GCM2: variants seen among roughly 807,000 people sequenced by gnomAD.
GCM2 encodes the protein GCM transcription factor 2.
Under a neutral mutation model 24.8 loss-of-function variants are expected in GCM2, and 21 were observed. That is an observed-to-expected ratio of 0.85 (90% CI 0.60 to 1.22). The LOEUF is 1.22. Among genes scored for constraint, GCM2 ranks in the 50% most tolerant of loss-of-function variants. The pLI is 0.00. For missense variants in GCM2, 532 were observed against 645.6 expected (o/e 0.82, Z 1.91); for synonymous variants, 222 against 238.0 (o/e 0.93, Z 0.62).
rs1194705662 is a variant in GCM2 at position 10,876,018 on chromosome 6, T to C, written c.457-2A>G. 2 of 1,613,920 alleles carry C rather than the reference T, an allele frequency of 1.2e-6. No individual in the cohort carries two copies. Among genetic ancestry groups the C allele is most frequent in the African/African-American group, 1.3e-5 (1 of 74,896 alleles). On this transcript the variant is annotated splice_acceptor_variant, in intron 3 of 4. Coordinates refer to ENST00000379491, the MANE Select transcript of GCM2 (RefSeq NM_004752.4). LOFTEE classifies it high-confidence loss of function. ...TGGATGATCATGAACTCCCTTGGCCTGCGATAACGAGAAAATGAATCATAC... is the reference window on the plus strand; with the variant it reads ...TGGATGATCATGAACTCCCTTGGCCCGCGATAACGAGAAAATGAATCATAC...
At chr6:10,881,425 T>C (rs1242033869) in intron 1 of GCM2, among the ~76,000 whole-genome samples, 1 of 152,172 alleles carries the variant, frequency 6.6e-6, no homozygotes, top group Non-Finnish European at 1.5e-5. Context: ...CCCAAAGTGC[T>C]GGGATTACAG....
intron 1 of GCM2, 72 bp downstream of exon 1, chr6:10,881,632 G>T (rs1452547375): frequency 6.6e-6 from 6 of 915,006 alleles, no homozygotes; most frequent in Admixed American, 3.7e-5. Flanking sequence ...GACTCTTCAA[G>T]AACTCGAATG....
chr6:10,878,035 G>A (rs1779907161), intron 1 of GCM2, among the ~76,000 whole-genome samples: 1 of 152,112 alleles, frequency 6.6e-6, no homozygotes, highest in South Asian at 2.1e-4. Flanking sequence ...TCTCAACTTG[G>A]CTCTCCAAGT....
rs1372506847 is a variant in GCM2 at position 10,876,530 on chromosome 6, G to A, written c.371C>T (p.Ala124Val). The A allele has an allele frequency of 6.2e-7, 1 of 1,613,392 alleles. No individual in the cohort carries two copies. The highest frequency in any genetic ancestry group is 8.5e-7 in the Non-Finnish European group (1 of 1,179,440). The part of the protein sequence containing the change: ...QKKACPNCHS[A>V]LELIPCRGHS... ...CCCTCGACAAGGAATCAACTCCAAA[G>A]CAGAATGACAGTTAGGGCATGCCTT... Residue 124 changes from alanine to valine, a missense_variant, in exon 3 of 5, where the codon GCT (alanine) becomes GTT (valine). By Grantham distance (64) the Ala-to-Val change is moderately conservative. Around this residue, in one of 3 missense-constraint regions of GCM2, gnomAD observed 434 missense variants for 521.9 expected, o/e 0.83. Coordinates refer to ENST00000379491, the MANE Select transcript of GCM2 (RefSeq NM_004752.4).
At chr6:10,877,498 A>G in intron 1 of GCM2, 106 bp from the exon 2 acceptor site, 2 of 1,214,868 alleles carry the variant, frequency 1.6e-6, no homozygotes, top group Non-Finnish European at 2.4e-6. Context: ...AGTTCTTTTT[A>G]AATCCAGTAA....
chr6:10,876,622 A>G, intron 2 of GCM2, 65 bp from the exon 3 acceptor site: 1 of 1,124,480 alleles, frequency 8.9e-7, no homozygotes, highest in Non-Finnish European at 1.4e-6. Context: ...AAGAAGGGGA[A>G]AATTAGCTGG....
Position 10,876,570 on chromosome 6 carries a change from G to A in GCM2, c.344-13C>T. On this transcript the variant is annotated splice_polypyrimidine_tract_variant and intron_variant, in intron 2 of 4. Coordinates refer to ENST00000379491, the MANE Select transcript of GCM2 (RefSeq NM_004752.4). ...GGGCATGCCTTCTCTGCAAAGCCCA[G>A]AAGGGAGAAATATTAACCCTGACCC... 6.5e-7 allele frequency: 1 copy of A among 1,538,966 alleles called. No individual in the cohort carries two copies. Among genetic ancestry groups the A allele is most frequent in the East Asian group, 2.2e-5 (1 of 44,532 alleles).
At position 10,877,168 on chromosome 6, in the gene GCM2, G is replaced by T; in HGVS notation, c.315C>A (p.Ile105=). 1 of 1,613,386 alleles carries T rather than the reference G, an allele frequency of 6.2e-7. No homozygotes were observed. The change falls in exon 2 of 5, where the codon ATC becomes ATA. Residue 105 remains isoleucine (I), a synonymous_variant. Transcript: ENST00000379491. The stretch of plus-strand genomic sequence containing the variant: ...GCTGTTTCAGCCGTGCCTTGTCGCA[G>T]ATGGCCGGCCTCAGCTGCAGGCGGG... ...DGSRLQLRPA[I]CDKARLKQQK...
chr6:10,874,834 G>A lies in GCM2; in HGVS notation c.682C>T (p.Pro228Ser). Residue 228 changes from proline to serine, a missense_variant, in exon 5 of 5, where the codon CCA (proline) becomes TCA (serine). By Grantham distance (74) the Pro-to-Ser change is moderately conservative. This residue lies in a region of GCM2 where 434 missense variants were observed against 521.9 expected (regional missense o/e 0.83). Coordinates refer to ENST00000379491, the MANE Select transcript of GCM2 (RefSeq NM_004752.4). ...DIVTETSFPI[P>S]GQPCPSFPKS... ...GGGAAGGAAGGGCAAGGCTGCCCTG[G>A]AATAGGGAAGCTGGTTTCAGTAACT... 1 of 1,613,098 alleles carries A rather than the reference G, an allele frequency of 6.2e-7. No individual in the cohort carries two copies.
chr6:10,878,017 C>T (rs115946376), intron 1 of GCM2, among the ~76,000 whole-genome samples: 2,488 of 152,248 alleles, frequency 0.016, 68 homozygotes, highest in African/African-American at 0.056. Flanking sequence ...AACAGCTTCC[C>T]TCCCTACTCT....
intron 1 of GCM2, among the ~76,000 whole-genome samples, chr6:10,880,018 G>A (rs970889303): frequency 1.3e-5 from 2 of 152,184 alleles, no homozygotes; most frequent in African/African-American, 4.8e-5. Flanking sequence ...CACTTTGCGA[G>A]GCTAAGGCGG....
In GCM2 at chr6:10,881,933, A is replaced by T. The variant is rs1779965966; in HGVS notation, c.-140T>A. 1.4e-6 allele frequency: 1 copy of T among 719,134 alleles called. No homozygotes were observed. Among genetic ancestry groups the T allele is most frequent in the Non-Finnish European group, 2.5e-6 (1 of 406,882 alleles). 44.5% of individuals were successfully genotyped at this position (719,134 alleles called of 1,614,324 possible). On this transcript the variant is annotated 5_prime_UTR_variant, in exon 1 of 5. Transcript: ENST00000379491. ...AGGGGAGGTGCAGAGAGAGAGAAAG[A>T]GAGAGAGGCTGTTTAGATATCTGGA...
rs114070356 is a variant in GCM2, at chr6:10,874,573, T to C, written c.943A>G (p.Asn315Asp). Residue 315 changes from asparagine (N) to aspartate (D), a missense_variant, in exon 5 of 5, where the codon AAT (asparagine) becomes GAT (aspartate). Around this residue, in one of 3 missense-constraint regions of GCM2, gnomAD observed 434 missense variants for 521.9 expected, o/e 0.83. Coordinates refer to ENST00000379491, the MANE Select transcript of GCM2 (RefSeq NM_004752.4). ...VHLNTLQCNVNSYSSYERSFD... is the reference protein window; with the variant it reads ...VHLNTLQCNVDSYSSYERSFD... ...CTTCTCTCATAGCTGCTGTATGAAT[T>C]GACATTACATTGTAGTGTGTTCAGA... The C allele has an allele frequency of 3.6e-3, 5,779 of 1,614,074 alleles. 25 individuals carry two copies. The highest frequency in any genetic ancestry group is 0.017 in the Middle Eastern group (103 of 6,062).
In GCM2 at chr6:10,874,568, T is replaced by A; in HGVS notation, c.948A>T (p.Ser316=). Residue 316 remains serine, a synonymous_variant, in exon 5 of 5, where the codon TCA becomes TCT. Coordinates refer to ENST00000379491, the MANE Select transcript of GCM2 (RefSeq NM_004752.4). The stretch of plus-strand genomic sequence containing the variant: ...CAAAGCTTCTCTCATAGCTGCTGTA[T>A]GAATTGACATTACATTGTAGTGTGT... The part of the protein sequence containing the change: ...HLNTLQCNVN[S]YSSYERSFDF... 1 of 1,614,220 alleles carries A rather than the reference T, an allele frequency of 6.2e-7. No homozygotes were observed. The highest frequency in any genetic ancestry group is 8.5e-7 in the Non-Finnish European group (1 of 1,180,024).
Position 10,873,724 on chromosome 6 carries a change from C to T in GCM2, c.*271G>A, listed in dbSNP as rs1779835428. Reference sequence around the variant, plus strand: ...TGAACTTAGGTCAGTATTTAACCTCCTACAGTTTGCTTATTTGTTCATTTG... The same window carrying T: ...TGAACTTAGGTCAGTATTTAACCTCTTACAGTTTGCTTATTTGTTCATTTG... On this transcript the variant is annotated 3_prime_UTR_variant, in exon 5 of 5. Coordinates refer to ENST00000379491, the MANE Select transcript of GCM2 (RefSeq NM_004752.4). 2.1e-6 allele frequency: 1 copy of T among 485,708 alleles called. No individual in the cohort carries two copies. The highest frequency in any genetic ancestry group is 3.8e-6 in the Non-Finnish European group (1 of 265,582). The allele number at this position is 485,708 out of a possible 1,614,324, so 30.1% of individuals were successfully genotyped here.
Position 10,874,611 on chromosome 6 carries a change from G to A in GCM2, c.905C>T (p.Thr302Ile). 1 of 1,614,024 alleles carries A rather than the reference G, an allele frequency of 6.2e-7. No homozygotes were observed. The highest frequency in any genetic ancestry group is 1.1e-5 in the South Asian group (1 of 91,088). Residue 302 changes from threonine (T) to isoleucine (I), a missense_variant, in exon 5 of 5, where the codon ACA becomes ATA. By Grantham distance (89) the Thr-to-Ile change is moderately conservative. This residue lies in a region of GCM2 where 434 missense variants were observed against 521.9 expected (regional missense o/e 0.83). Transcript: ENST00000379491. Reference protein sequence around the residue: ...YKDSTSIPNDTDWVHLNTLQC... With the variant: ...YKDSTSIPNDIDWVHLNTLQC... ...TAGTGTGTTCAGATGAACCCAGTCT[G>A]TGTCATTAGGGATACTGGTGGAATC...
Position 10,875,034 on chromosome 6 carries a change from G to A in GCM2, c.583-101C>T, listed in dbSNP as rs1779857423. On this transcript the variant is annotated intron_variant, in intron 4 of 4. Transcript: ENST00000379491. ...AGTAAGTAAAAACAGACATCCATGTGCTGGGCTCTGTGTTGTGAACATGGC... is the reference window on the plus strand; with the variant it reads ...AGTAAGTAAAAACAGACATCCATGTACTGGGCTCTGTGTTGTGAACATGGC... 1.6e-5 allele frequency: 14 copies of A among 850,286 alleles called. No homozygotes were observed. In the South Asian group the frequency reaches 1.9e-4, roughly 12 times the overall value. 52.7% of individuals were successfully genotyped at this position (850,286 alleles called of 1,614,324 possible).
rs1428190775 is a variant in GCM2, at chr6:10,873,694, C to T, written c.*301G>A. On this transcript the variant is annotated 3_prime_UTR_variant, in exon 5 of 5. Coordinates refer to ENST00000379491, the MANE Select transcript of GCM2 (RefSeq NM_004752.4). ...CTTGACTTCTACTCCTGCTAATAAG[C>T]TAAGTGAACTTAGGTCAGTATTTAA... is the stretch of plus-strand genomic sequence containing the variant. 2 of 410,658 alleles carry T rather than the reference C, an allele frequency of 4.9e-6. No individual in the cohort carries two copies. Among genetic ancestry groups the T allele is most frequent in the Non-Finnish European group, 9.1e-6 (2 of 218,610 alleles). 25.4% of individuals were successfully genotyped at this position (410,658 alleles called of 1,614,324 possible).
chr6:10,874,435 T>C lies in GCM2; in HGVS notation c.1081A>G (p.Asn361Asp). The change falls in exon 5 of 5, where the codon AAC becomes GAC. Residue 361 changes from asparagine (N) to aspartate (D), a missense_variant. By Grantham distance (23) the Asn-to-Asp change is conservative. Coordinates refer to ENST00000379491, the MANE Select transcript of GCM2 (RefSeq NM_004752.4). ...AGGTACCTGCAGGGAAGCTCTGGGT[T>C]ATAATAAGGGCGAGTGGCCATGGCC... ...FQAMATRPYYNPELPCRYLTT... is the reference protein window; with the variant it reads ...FQAMATRPYYDPELPCRYLTT... The C allele has an allele frequency of 1.9e-6, 3 of 1,614,186 alleles. No homozygotes were observed. The highest frequency in any genetic ancestry group is 2.5e-6 in the Non-Finnish European group (3 of 1,180,036).
Sources: allele counts gnomAD v4.1 joint callset (sites outside exome capture counted in the v4.1 genomes callset), GRCh38; gene constraint gnomAD v4.1.1; regional missense constraint gnomAD v4.1.1; transcripts MANE v1.5; gene names NCBI Gene and HGNC (gene_info 2026-07-23, HGNC 2026-07-21).